NFIA: variants seen among roughly 807,000 people sequenced by gnomAD.
NFIA encodes nuclear factor 1 A-type.
In NFIA, 8 loss-of-function variants were observed where a neutral mutation model predicts 62.8. The ratio of observed to expected loss-of-function variants is 0.13; its 90% CI spans 0.07 to 0.23. The LOEUF is 0.23. Ranked by LOEUF, NFIA falls within the 10% of genes least tolerant of loss-of-function variation. The probability of loss-of-function intolerance (pLI) is 1.00; values close to 1 mark genes in which losing one functional copy is unlikely to be tolerated. For synonymous variants in NFIA, 235 were observed against 238.1 expected (o/e 0.99, Z 0.12); for missense variants, 410 against 642.1 (o/e 0.64, Z 3.91).
intron 6 of NFIA, among the ~76,000 whole-genome samples, chr1:61,380,115 G>A (rs1664344463): frequency 6.6e-6 from 1 of 152,182 alleles, no homozygotes; most frequent in Admixed American, 6.5e-5. Context: ...CCAGTGACAA[G>A]CCACAGGCCT....
chr1:61,128,930 T>TTTC (rs1647025555), intron 2 of NFIA, among the ~76,000 whole-genome samples: 1 of 134,602 alleles, frequency 7.4e-6, no homozygotes, highest in African/African-American at 2.8e-5. Flanking sequence ...TTTTTTTTTT[T>TTTC]TTTTTTTTTT....
intron 4 of NFIA, among the ~76,000 whole-genome samples, chr1:61,352,087 G>C (rs4915736): frequency 1.6e-4 from 25 of 152,160 alleles, no homozygotes; most frequent in Non-Finnish European, 3.5e-4. Context: ...AGTAGAAGCT[G>C]TCAGGATCAG....
intron 2 of NFIA, among the ~76,000 whole-genome samples, chr1:61,180,289 C>T (rs1281880261): frequency 6.6e-6 from 1 of 152,140 alleles, no homozygotes; most frequent in African/African-American, 2.4e-5. Flanking sequence ...GCAAAGACGC[C>T]GTAAGGAGCT....
rs10635152 is a variant in NFIA, at chr1:61,128,915, G to GTTTTTTTT, written c.559+40253_559+40260dup. 8.1e-4 allele frequency among the ~76,000 whole-genome samples: 60 copies of GTTTTTTTT among 74,136 alleles called. 4 individuals carry two copies. Among genetic ancestry groups the GTTTTTTTT allele is most frequent in the South Asian group, 2.0e-3 (3 of 1,518 alleles). 48.6% of individuals were successfully genotyped at this position (74,136 alleles called of 152,430 possible). On this transcript the variant is annotated intron_variant, in intron 2 of 10. Transcript: ENST00000403491. ...CCAGCCAATGGTGATGCTTACTTAT[G>GTTTTTTTT]TTTTTTTTTTTTTTTTTTTTTTTTT...
intron 5 of NFIA, among the ~76,000 whole-genome samples, chr1:61,358,670 G>C (rs1027276506): frequency 6.6e-6 from 1 of 152,100 alleles, no homozygotes; most frequent in African/African-American, 2.4e-5. Flanking sequence ...TTACAGGCTT[G>C]AGCCACCATG....
chr1:61,360,960 T>C (rs1055829807), intron 6 of NFIA, among the ~76,000 whole-genome samples: 1 of 151,622 alleles, frequency 6.6e-6, no homozygotes, highest in Non-Finnish European at 1.5e-5. Flanking sequence ...ACTGGGGACT[T>C]TCTCTGTATG....
chr1:61,357,158 C>A (rs1662997800), intron 5 of NFIA, among the ~76,000 whole-genome samples: 1 of 152,222 alleles, frequency 6.6e-6, no homozygotes, highest in Admixed American at 6.5e-5. Context: ...GCTGGCAGTT[C>A]TCTGAACATA....
At chr1:61,452,998 C>T (rs1328663358) in intron 10 of NFIA, among the ~76,000 whole-genome samples, 1 of 152,028 alleles carries the variant, frequency 6.6e-6, no homozygotes, top group Admixed American at 6.6e-5. Context: ...CAAATATCCA[C>T]CCCCCAAAAG....
chr1:61,248,920 G>C (rs967183312), intron 2 of NFIA: 6 of 152,208 alleles, frequency 3.9e-5, no homozygotes, highest in African/African-American at 1.4e-4. Flanking sequence ...CATGGTCCCT[G>C]TAGGGATATA....
chr1:61,358,379 C>CTTTTTTTTTTTTTTTTTT (rs34853369), intron 5 of NFIA, among the ~76,000 whole-genome samples: 54 of 52,622 alleles, frequency 1.0e-3, no homozygotes, highest in Non-Finnish European at 1.4e-3. Context: ...TTCTTTCTTT[C>CTTTTTTTTTTTTTTTTTT]TTTTTTTTTT....
intron 2 of NFIA, among the ~76,000 whole-genome samples, chr1:61,260,487 A>G (rs1441231811): frequency 6.6e-6 from 1 of 152,266 alleles, no homozygotes; most frequent in African/African-American, 2.4e-5. Flanking sequence ...TAGCACTCAC[A>G]GTAGTGCTTG....
Position 61,461,917 on chromosome 1 carries a change from ACTT to A in NFIA, c.*6600_*6602del, listed in dbSNP as rs1668545449. ...ATTTTTCCTGCTGTTTTTATACTCA[ACTT>A]CTCAAAATGAAAAAAGCTTTTATTT... On this transcript the variant is annotated 3_prime_UTR_variant, in exon 11 of 11. Transcript: ENST00000403491. 6.6e-6 allele frequency: 1 copy of A among 151,554 alleles called. No individual in the cohort carries two copies. The highest frequency in any genetic ancestry group is 6.6e-5 in the Admixed American group (1 of 15,218). 9.4% of individuals were successfully genotyped at this position (151,554 alleles called of 1,614,324 possible).
chr1:61,293,134 C>T (rs1355262643), intron 3 of NFIA, among the ~76,000 whole-genome samples: 4 of 152,204 alleles, frequency 2.6e-5, no homozygotes, highest in African/African-American at 9.6e-5. Context: ...GCACTTAGGT[C>T]ACTCTGCCAT....
chr1:61,228,531 C>T (rs1322525415), intron 2 of NFIA, among the ~76,000 whole-genome samples: 6 of 152,160 alleles, frequency 3.9e-5, no homozygotes, highest in Non-Finnish European at 8.8e-5. Flanking sequence ...CAAAATGTGA[C>T]AGGGTTAATG....
At chr1:61,156,845 C>T (rs769981538) in intron 2 of NFIA, among the ~76,000 whole-genome samples, 1 of 152,218 alleles carries the variant, frequency 6.6e-6, no homozygotes, top group Non-Finnish European at 1.5e-5. Flanking sequence ...CTTTAATTGA[C>T]AAGTGTCATG....
intron 2 of NFIA, among the ~76,000 whole-genome samples, chr1:61,230,923 A>C (rs1332529996): frequency 6.6e-6 from 1 of 152,168 alleles, no homozygotes; most frequent in Admixed American, 6.5e-5. Flanking sequence ...TCTTCTTTAC[A>C]TTCAGTTTAG....
In NFIA at chr1:61,376,097, A is replaced by G. The variant is rs372190903; in HGVS notation, c.947-7140A>G. On this transcript the variant is annotated intron_variant, in intron 6 of 10. Coordinates refer to ENST00000403491, the MANE Select transcript of NFIA (RefSeq NM_001134673.4). The stretch of plus-strand genomic sequence containing the variant: ...AACACTTCTTAGTTTCTATAAAGAT[A>G]TACTCTCCAATGAGTTAAATGCCTC... Among the ~76,000 whole-genome samples the G allele has an allele frequency of 9.9e-5, 15 of 152,204 alleles. No homozygotes were observed. In the East Asian group the frequency reaches 2.9e-3, roughly 30 times the overall value.
At chr1:61,355,113 T>C (rs1290177795) in intron 5 of NFIA, among the ~76,000 whole-genome samples, 1 of 152,170 alleles carries the variant, frequency 6.6e-6, no homozygotes, top group Non-Finnish European at 1.5e-5. Flanking sequence ...GGTAATACTT[T>C]TACCTTATTT....
intron 3 of NFIA, among the ~76,000 whole-genome samples, chr1:61,308,376 T>TA (rs1254209177): frequency 1.3e-5 from 2 of 152,180 alleles, no homozygotes; most frequent in African/African-American, 2.4e-5. Context: ...TCATCAATAA[T>TA]AAAAAATTGC....
Sources: gnomAD v4.1 joint callset for allele counts (sites outside exome capture counted in the v4.1 genomes callset) on GRCh38, gnomAD v4.1.1 for gene constraint, MANE v1.5 for transcripts, NCBI Gene and HGNC (gene_info 2026-07-23, HGNC 2026-07-21) for gene names.